The following C1orf141 variants were observed in gnomAD, a reference collection of about 807,000 sequenced individuals.
C1orf141 encodes chromosome 1 open reading frame 141, also known as uncharacterized protein C1orf141.
In C1orf141, 19 loss-of-function variants were observed where a neutral mutation model predicts 23.2. The observed-to-expected ratio is 0.82, with a 90% CI of 0.57 to 1.20. C1orf141 has a LOEUF of 1.20. Ranked by LOEUF, C1orf141 falls within the 50% of genes most tolerant of loss-of-function variation. The probability of loss-of-function intolerance (pLI) is 0.00; values close to 1 mark genes in which losing one functional copy is unlikely to be tolerated. For missense variants in C1orf141, 469 were observed against 455.1 expected, an observed-to-expected ratio of 1.03 and a Z score of -0.28; for synonymous variants, 153 against 154.6, an observed-to-expected ratio of 0.99 and a Z score of 0.08.
chr1:67,132,277 C>G (rs536526778), intron 1 of C1orf141, among the ~76,000 whole-genome samples: 1 of 151,884 alleles, frequency 6.6e-6, no homozygotes, highest in South Asian at 2.1e-4. Context: ...CCCAGCACTT[C>G]AGGAAGCTGA....
chr1:67,132,345 C>A (rs1238796168), intron 1 of C1orf141, among the ~76,000 whole-genome samples: 2 of 151,946 alleles, frequency 1.3e-5, no homozygotes, highest in East Asian at 3.9e-4. Flanking sequence ...ATGGTGAAAC[C>A]CTGTGTCTAC....
chr1:67,123,536 T>C (rs1411250916), intron 4 of C1orf141: 2 of 152,146 alleles, frequency 1.3e-5, no homozygotes, highest in Non-Finnish European at 2.9e-5. Context: ...AATTCTGCTA[T>C]CTAGAAGCAG....
intron 5 of C1orf141, among the ~76,000 whole-genome samples, chr1:67,108,935 A>G (rs1645998967): frequency 6.6e-6 from 1 of 152,128 alleles, no homozygotes; most frequent in Non-Finnish European, 1.5e-5. Context: ...TAAAAAATAG[A>G]CCTTGGCATG....
intron 5 of C1orf141, among the ~76,000 whole-genome samples, chr1:67,105,950 G>T (rs1377598527): frequency 2.0e-5 from 3 of 152,290 alleles, no homozygotes; most frequent in Non-Finnish European, 4.4e-5. Context: ...GAGAGCCAAA[G>T]ATGGCAGCTC....
chr1:67,133,166 G>A (rs921467807), intron 1 of C1orf141, among the ~76,000 whole-genome samples: 13 of 152,166 alleles, frequency 8.5e-5, no homozygotes, highest in African/African-American at 2.4e-4. Flanking sequence ...ACCCAGTGTC[G>A]TCAATATAAT....
At chr1:67,126,411 T>C (rs1481065253) in intron 3 of C1orf141, among the ~76,000 whole-genome samples, 1 of 152,130 alleles carries the variant, frequency 6.6e-6, no homozygotes, top group Admixed American at 6.6e-5. Context: ...AGGATCTAGC[T>C]AAAAGGTGAG....
At chr1:67,100,184 T>G (rs1294783119) in intron 5 of C1orf141, among the ~76,000 whole-genome samples, 1 of 152,156 alleles carries the variant, frequency 6.6e-6, no homozygotes, top group African/African-American at 2.4e-5. Flanking sequence ...TTTAGTCAAT[T>G]TATTTGATTT....
chr1:67,133,966 C>A (rs1646555012), intron 1 of C1orf141, among the ~76,000 whole-genome samples: 1 of 152,186 alleles, frequency 6.6e-6, no homozygotes, highest in South Asian at 2.1e-4. Flanking sequence ...GACCTATGTG[C>A]TTAGTTCCGC....
At position 67,132,888 on chromosome 1, in the gene C1orf141, G is replaced by C. The variant is rs1283689043; in HGVS notation, c.-103-1661C>G. 2.0e-5 allele frequency among the ~76,000 whole-genome samples: 3 copies of C among 152,210 alleles called. No homozygotes were observed. The East Asian group carries it at 5.8e-4, about 29-fold the overall frequency. ...TCTAGCACAGTAGTGACAGTTTTTT[G>C]TTGTTGTTTGTTCGTTTGTTTTTAA... On this transcript the variant is annotated intron_variant, in intron 1 of 7. Transcript: ENST00000684719.
chr1:67,133,130 AAAAC>A (rs1237579122), intron 1 of C1orf141, among the ~76,000 whole-genome samples: 12 of 152,192 alleles, frequency 7.9e-5, no homozygotes, highest in African/African-American at 1.9e-4. Context: ...TTTGGGACTA[AAAAC>A]AAACAAACAA....
chr1:67,095,193 G>T, intron 7 of C1orf141, 42 bp downstream of exon 7: 2 of 1,143,468 alleles, frequency 1.7e-6, no homozygotes, highest in South Asian at 1.5e-5. Flanking sequence ...TAAGTCTTAT[G>T]ACTACACATA....
At chr1:67,134,497 T>G (rs1298435646) in intron 1 of C1orf141, among the ~76,000 whole-genome samples, 1 of 152,176 alleles carries the variant, frequency 6.6e-6, no homozygotes, top group African/African-American at 2.4e-5. Flanking sequence ...GTCGTCAATT[T>G]GGAAATGTAT....
intron 4 of C1orf141, chr1:67,122,650 T>C (rs1220877723): frequency 6.6e-6 from 1 of 152,210 alleles, no homozygotes; most frequent in Non-Finnish European, 1.5e-5. Flanking sequence ...TATGTTTTCT[T>C]TTTTGTTGAG....
In C1orf141 at chr1:67,130,345, T is replaced by C. The variant is rs116018685; in HGVS notation, c.-18+797A>G. 5.2e-3 allele frequency among the ~76,000 whole-genome samples: 788 copies of C among 152,250 alleles called. 9 individuals carry two copies. Among genetic ancestry groups the C allele is most frequent in the African/African-American group, 0.018 (746 of 41,530 alleles). Reference sequence around the variant, plus strand: ...GAATCAATGTATTGAAGTGAATGAGTTTCCCAGTTTGGGGAACGTATAAAC... The same window carrying C: ...GAATCAATGTATTGAAGTGAATGAGCTTCCCAGTTTGGGGAACGTATAAAC... On this transcript the variant is annotated intron_variant, in intron 2 of 7. Coordinates refer to ENST00000684719, the MANE Select transcript of C1orf141 (RefSeq NM_001276351.2).
In C1orf141 at chr1:67,125,754, T is replaced by C. The variant is rs1469166340; in HGVS notation, c.231A>G (p.Lys77=). The change falls in exon 4 of 8, where the codon AAA becomes AAG. Residue 77 remains lysine (K), a splice_region_variant and synonymous_variant. Coordinates refer to ENST00000684719, the MANE Select transcript of C1orf141 (RefSeq NM_001276351.2). The part of the protein sequence containing the change: ...EDKSCSITKS[K]MHVSFKCEPE... The stretch of plus-strand genomic sequence containing the variant: ...TTTAAGGTGGTTATGATAGTTACAT[T>C]TTTGATTTTGTAATGCTGCATGACT... The C allele has an allele frequency of 6.2e-7, 1 of 1,613,706 alleles. No homozygotes were observed. Among genetic ancestry groups the C allele is most frequent in the South Asian group, 1.1e-5 (1 of 91,072 alleles).
At chr1:67,135,927 A>AAAAAG (rs1646581584), upstream of C1orf141, among the ~76,000 whole-genome samples, 1 of 150,464 alleles carries the variant, frequency 6.6e-6, no homozygotes, top group African/African-American at 2.4e-5. Context: ...AAAAAAAAAA[A>AAAAAG]GTATAGTTAT....
intron 4 of C1orf141, among the ~76,000 whole-genome samples, chr1:67,120,975 C>T (rs1161648242): frequency 6.6e-6 from 1 of 152,150 alleles, no homozygotes; most frequent in East Asian, 1.9e-4. Flanking sequence ...AGCTGCTCTC[C>T]TTGGTTGGAG....
chr1:67,121,644 A>C (rs1646301548), intron 4 of C1orf141: 1 of 152,224 alleles, frequency 6.6e-6, no homozygotes, highest in Non-Finnish European at 1.5e-5. Flanking sequence ...TATGCCATTG[A>C]ATTTTAAGTT....
chr1:67,128,771 C>T (rs918527247), intron 2 of C1orf141, among the ~76,000 whole-genome samples: 1 of 152,014 alleles, frequency 6.6e-6, no homozygotes, highest in Admixed American at 6.6e-5. Context: ...ATTAAATGGG[C>T]TCCAGTGGCA....
Sources: gnomAD v4.1 joint callset for allele counts (sites outside exome capture counted in the v4.1 genomes callset) on GRCh38, gnomAD v4.1.1 for gene constraint, MANE v1.5 for transcripts, NCBI Gene and HGNC (gene_info 2026-07-23, HGNC 2026-07-21) for gene names.